Variants in ACACA observed in about 807,000 individuals in gnomAD.
The protein encoded by ACACA is acetyl-CoA carboxylase 1.
A neutral mutation model predicts 296.1 loss-of-function variants in ACACA; 103 were observed. The observed-to-expected ratio is 0.35, with a 90% confidence interval of 0.30 to 0.41. The LOEUF (loss-of-function observed/expected upper bound fraction) is 0.41. ACACA is among the 10% of genes least tolerant of loss of function. The pLI is 1.00. For synonymous variants in ACACA, 953 were observed against 1,038.6 expected (o/e 0.92, Z 1.58); for missense variants, 1,554 against 2,989.7 (o/e 0.52, Z 11.20).
chr17:37,120,262 C>T (rs1175895047), intron 50 of ACACA, among the ~76,000 whole-genome samples: 1 of 151,394 alleles, frequency 6.6e-6, no homozygotes, highest in Non-Finnish European at 1.5e-5. Context: ...CTAACCTATC[C>T]TACTGTTTTT....
chr17:37,401,408 G>A (rs1367175319), intron 1 of ACACA, among the ~76,000 whole-genome samples: 2 of 151,722 alleles, frequency 1.3e-5, no homozygotes, highest in Admixed American at 1.3e-4. Context: ...GGCCCGGCTG[G>A]TCTCGAACTC....
intron 50 of ACACA, among the ~76,000 whole-genome samples, chr17:37,120,045 C>A (rs1188930976): frequency 2.0e-5 from 3 of 150,240 alleles, no homozygotes; most frequent in Admixed American, 1.3e-4. Context: ...AGGCATGCAC[C>A]ACCCCATCTG....
In ACACA at chr17:37,155,678, C is replaced by T. The variant is rs1258097816; in HGVS notation, c.5447+5G>A. ...ACCAAATTATTCCAATACATATATACCTACCTGGATTCTCCTTCATCTTCC... is the reference window on the plus strand; with the variant it reads ...ACCAAATTATTCCAATACATATATATCTACCTGGATTCTCCTTCATCTTCC... On this transcript the variant is annotated splice_donor_5th_base_variant and intron_variant, in intron 43 of 55. Coordinates refer to ENST00000616317, the MANE Select transcript of ACACA (RefSeq NM_198834.3). 22 of 1,585,962 alleles carry T rather than the reference C, an allele frequency of 1.4e-5. No individual in the cohort carries two copies. The highest frequency in any genetic ancestry group is 1.9e-5 in the Non-Finnish European group (22 of 1,157,120).
rs1343926083 is a variant in ACACA at position 37,372,162 on chromosome 17, C to A, written c.39-32312G>T. ...GACGCAGTAGTTCACGCCTGTAATC[C>A]CAGCACTTTGGGAGGCCAAGGCAGG... On this transcript the variant is annotated intron_variant, in intron 1 of 55. Transcript: ENST00000616317. Among the ~76,000 whole-genome samples the A allele has an allele frequency of 2.0e-5, 3 of 152,170 alleles. No homozygotes were observed. The East Asian group carries it at 5.8e-4, about 29-fold the overall frequency.
At chr17:37,380,088 T>C (rs554695531) in intron 1 of ACACA, among the ~76,000 whole-genome samples, 96 of 152,106 alleles carry the variant, frequency 6.3e-4, no homozygotes, top group African/African-American at 2.2e-3. Context: ...TGGAATACTA[T>C]GCAGCCATAA....
intron 1 of ACACA, among the ~76,000 whole-genome samples, chr17:37,384,572 A>C (rs1053415267): frequency 2.0e-5 from 3 of 152,222 alleles, no homozygotes; most frequent in Non-Finnish European, 4.4e-5. Flanking sequence ...TAAAAAAAAA[A>C]ACACAGATAA....
intron 35 of ACACA, among the ~76,000 whole-genome samples, chr17:37,197,068 C>T (rs2078034606): frequency 6.6e-6 from 1 of 152,150 alleles, no homozygotes; most frequent in Admixed American, 6.5e-5. Flanking sequence ...GTGAAGACTG[C>T]TGTCACAGAA....
intron 24 of ACACA, among the ~76,000 whole-genome samples, chr17:37,240,006 G>A (rs1598284098): frequency 6.6e-6 from 1 of 152,302 alleles, no homozygotes; most frequent in South Asian, 2.1e-4. Flanking sequence ...GCTCTTCAGA[G>A]AAAGCCAGGG....
intron 45 of ACACA, among the ~76,000 whole-genome samples, chr17:37,141,838 T>C (rs990120799): frequency 4.0e-5 from 6 of 151,802 alleles, no homozygotes; most frequent in African/African-American, 1.5e-4. Flanking sequence ...ATTACAGGTG[T>C]GTGCCACCAC....
intron 3 of ACACA, among the ~76,000 whole-genome samples, chr17:37,292,670 A>G (rs1437289533): frequency 6.6e-6 from 1 of 152,250 alleles, no homozygotes; most frequent in East Asian, 1.9e-4. Flanking sequence ...AGCCTTGCCA[A>G]CATGGCAAAA....
intron 1 of ACACA, among the ~76,000 whole-genome samples, chr17:37,361,098 G>A (rs571237178): frequency 4.5e-4 from 67 of 150,346 alleles, no homozygotes; most frequent in African/African-American, 1.6e-3. Context: ...GAGTGCCGTG[G>A]TGCAATCTCA....
chr17:37,174,705 G>A (rs2144743808), intron 41 of ACACA, among the ~76,000 whole-genome samples: 1 of 151,540 alleles, frequency 6.6e-6, no homozygotes, highest in Admixed American at 6.6e-5. Context: ...GCTAATTTTT[G>A]TATTTTTAGT....
rs1030683564 is a variant in ACACA, at chr17:37,161,519, G to C, written c.5349+262C>G. 5.5e-6 allele frequency: 3 copies of C among 549,106 alleles called. No homozygotes were observed. The African/African-American group carries it at 5.7e-5, about 10-fold the overall frequency. The allele number at this position is 549,106 out of a possible 1,614,324, so 34.0% of individuals were successfully genotyped here. On this transcript the variant is annotated intron_variant, in intron 42 of 55. Transcript: ENST00000616317. ...TGATTTAGCATGTCTCGCACTAAAT[G>C]CATACCTACTATTTCATCTAGTGCT... is the stretch of plus-strand genomic sequence containing the variant.
At chr17:37,390,959 G>A (rs2050856931) in intron 1 of ACACA, among the ~76,000 whole-genome samples, 1 of 152,020 alleles carries the variant, frequency 6.6e-6, no homozygotes, top group African/African-American at 2.4e-5. Context: ...ATAAAAATAG[G>A]GCCAGGCGTG....
In ACACA at chr17:37,249,974, T is replaced by C. The variant is rs149216507; in HGVS notation, c.2082-1300A>G. 6.9e-3 allele frequency among the ~76,000 whole-genome samples: 1,048 copies of C among 152,352 alleles called. 11 individuals carry two copies. Among genetic ancestry groups the C allele is most frequent in the African/African-American group, 0.024 (999 of 41,578 alleles). On this transcript the variant is annotated intron_variant, in intron 16 of 55. Transcript: ENST00000616317. ...TTTTATAAGGGGAAACCCCTTTCAC[T>C]TGGCTCTCATTTTCTCTCTTGGCTG... is the stretch of plus-strand genomic sequence containing the variant.
At chr17:37,305,597 A>G (rs2083836247) in intron 3 of ACACA, among the ~76,000 whole-genome samples, 2 of 152,204 alleles carry the variant, frequency 1.3e-5, no homozygotes, top group Admixed American at 1.3e-4. Context: ...TCTTCTGTGC[A>G]TGTACATGCC....
chr17:37,195,681 C>G (rs376571249), intron 35 of ACACA, among the ~76,000 whole-genome samples: 16 of 152,180 alleles, frequency 1.1e-4, no homozygotes, highest in African/African-American at 3.9e-4. Flanking sequence ...AAGACTCTTA[C>G]AAAAAGTAAT....
At chr17:37,278,677 G>A (rs2082374961) in intron 5 of ACACA, among the ~76,000 whole-genome samples, 1 of 152,174 alleles carries the variant, frequency 6.6e-6, no homozygotes, top group Admixed American at 6.5e-5. Flanking sequence ...TGTAGGGACT[G>A]TAACTAGCAC....
intron 41 of ACACA, among the ~76,000 whole-genome samples, chr17:37,178,313 T>C (rs2077194663): frequency 6.6e-6 from 1 of 152,160 alleles, no homozygotes; most frequent in Admixed American, 6.5e-5. Flanking sequence ...GGGATAATTA[T>C]CAAAAAATGG....
Sources: gnomAD v4.1 joint callset for allele counts (sites outside exome capture counted in the v4.1 genomes callset) on GRCh38, gnomAD v4.1.1 for gene constraint, MANE v1.5 for transcripts, NCBI Gene and HGNC (gene_info 2026-07-23, HGNC 2026-07-21) for gene names.